The following SMAD9 variants were observed in gnomAD, a reference collection of about 807,000 sequenced individuals.
The protein encoded by SMAD9 is SMAD family member 9, also known as MAD homolog 9.
Under a neutral mutation model 46.1 loss-of-function variants are expected in SMAD9, and 36 were observed. The ratio of observed to expected loss-of-function variants is 0.78; its 90% CI spans 0.60 to 1.03. SMAD9 has a LOEUF of 1.03. Ranked by LOEUF, SMAD9 falls within the 50% of genes least tolerant of loss-of-function variation. The pLI, the probability that SMAD9 is intolerant of heterozygous loss-of-function variation, is 0.00. For missense variants in SMAD9, 572 were observed against 599.8 expected (o/e 0.95, Z 0.48); for synonymous variants, 245 against 237.1 (o/e 1.03, Z -0.31).
intron 1 of SMAD9, among the ~76,000 whole-genome samples, chr13:36,893,369 TC>T (rs1452793468): frequency 6.7e-6 from 1 of 149,666 alleles, no homozygotes; most frequent in Non-Finnish European, 1.5e-5. Flanking sequence ...GAAAGCCACT[TC>T]CCTAAAGAAA....
chr13:36,855,953 C>T (rs1471094787), intron 5 of SMAD9, among the ~76,000 whole-genome samples: 1 of 152,196 alleles, frequency 6.6e-6, no homozygotes, highest in Admixed American at 6.5e-5. Context: ...CTCCGCTTCC[C>T]TCAGCCTTCC....
chr13:36,850,445 T>A (rs1288120100), intron 6 of SMAD9, among the ~76,000 whole-genome samples: 1 of 152,180 alleles, frequency 6.6e-6, no homozygotes, highest in Non-Finnish European at 1.5e-5. Flanking sequence ...AATGGTGCGA[T>A]CTCAGCTCAC....
At chr13:36,917,134 A>T (rs1028372836) in intron 1 of SMAD9, among the ~76,000 whole-genome samples, 11 of 152,162 alleles carry the variant, frequency 7.2e-5, no homozygotes, top group African/African-American at 2.4e-4. Context: ...GAAGACCACC[A>T]AGCAAGAAGA....
chr13:36,901,740 G>C (rs563119468), intron 1 of SMAD9, among the ~76,000 whole-genome samples: 15 of 152,230 alleles, frequency 9.9e-5, no homozygotes, highest in African/African-American at 3.6e-4. Flanking sequence ...CTGTGGTTTT[G>C]ATTTGCATTT....
intron 1 of SMAD9, among the ~76,000 whole-genome samples, chr13:36,911,766 T>C (rs1336277666): frequency 6.6e-6 from 1 of 152,196 alleles, no homozygotes; most frequent in Non-Finnish European, 1.5e-5. Flanking sequence ...CGGAGTACAA[T>C]GGCACAATCT....
chr13:36,902,815 T>C (rs1048344750), intron 1 of SMAD9, among the ~76,000 whole-genome samples: 2 of 152,180 alleles, frequency 1.3e-5, no homozygotes, highest in East Asian at 3.8e-4. Flanking sequence ...TTATTGTTTC[T>C]TTCCCTAGCA....
intron 1 of SMAD9, among the ~76,000 whole-genome samples, chr13:36,884,083 C>T (rs1298035078): frequency 1.3e-5 from 2 of 152,108 alleles, no homozygotes; most frequent in Non-Finnish European, 2.9e-5. Context: ...GTAGTCTGAG[C>T]GCGACCTTCA....
In SMAD9 at chr13:36,872,842, G is replaced by A. The variant is rs149757390; in HGVS notation, c.486C>T (p.Ser162=). The change falls in exon 3 of 7, where the codon AGC becomes AGT. Residue 162 remains serine, a synonymous_variant. Transcript: ENST00000379826. The stretch of plus-strand genomic sequence containing the variant: ...TGAGTGGCTCACTGTGCAGGGAGGC[G>A]CTGCGGAACTTGGCCAGGAGGCTGA... ...PQLSLLAKFR[S]ASLHSEPLMP... 5.5e-5 allele frequency: 88 copies of A among 1,613,944 alleles called. No individual in the cohort carries two copies. The highest frequency in any genetic ancestry group is 1.7e-4 in the African/African-American group (13 of 74,892).
intron 5 of SMAD9, among the ~76,000 whole-genome samples, chr13:36,858,459 T>G (rs185213319): frequency 1.3e-5 from 2 of 152,236 alleles, no homozygotes; most frequent in Non-Finnish European, 1.5e-5. Flanking sequence ...TCTGGGCTGA[T>G]AGCAAGGCTG....
intron 1 of SMAD9, among the ~76,000 whole-genome samples, chr13:36,901,924 T>C (rs1040565623): frequency 1.3e-5 from 2 of 152,242 alleles, no homozygotes; most frequent in Admixed American, 6.5e-5. Flanking sequence ...ATACATGATT[T>C]GCAAATATTC....
intron 1 of SMAD9, among the ~76,000 whole-genome samples, chr13:36,899,562 A>AT (rs1342949671): frequency 3.3e-5 from 5 of 152,208 alleles, no homozygotes; most frequent in Non-Finnish European, 7.3e-5. Context: ...AACTAAATGA[A>AT]GTCGGGGGTA....
chr13:36,874,214 T>C (rs2058323593), intron 2 of SMAD9, among the ~76,000 whole-genome samples: 1 of 152,230 alleles, frequency 6.6e-6, no homozygotes, highest in Admixed American at 6.5e-5. Context: ...ACCTACGTCT[T>C]CATGTTGAAA....
At chr13:36,882,672 G>A (rs1047934382) in intron 1 of SMAD9, among the ~76,000 whole-genome samples, 1 of 152,190 alleles carries the variant, frequency 6.6e-6, no homozygotes, top group Non-Finnish European at 1.5e-5. Context: ...TCATAACAGT[G>A]GCCTCCAGGT....
At chr13:36,895,425 G>C (rs374106822) in intron 1 of SMAD9, among the ~76,000 whole-genome samples, 20 of 152,166 alleles carry the variant, frequency 1.3e-4, no homozygotes, top group African/African-American at 4.8e-4. Flanking sequence ...TGTCCTGTGC[G>C]TTACAGGGTG....
At chr13:36,909,508 CAT>C (rs1465992981) in intron 1 of SMAD9, among the ~76,000 whole-genome samples, 3 of 152,158 alleles carry the variant, frequency 2.0e-5, no homozygotes, top group East Asian at 3.9e-4. Context: ...TTTACACACA[CAT>C]ATAGTCAGCA....
chr13:36,894,964 A>G (rs2058516802), intron 1 of SMAD9, among the ~76,000 whole-genome samples: 1 of 152,166 alleles, frequency 6.6e-6, no homozygotes, highest in African/African-American at 2.4e-5. Context: ...TTCCATGGCA[A>G]GGAGGGCTAT....
rs560556206 is a variant in SMAD9, at chr13:36,905,652, T to C, written c.-187+14464A>G. On this transcript the variant is annotated intron_variant, in intron 1 of 6. Coordinates refer to ENST00000379826, the MANE Select transcript of SMAD9 (RefSeq NM_001127217.3). Reference sequence around the variant, plus strand: ...AGCCAGGTGTGGCTCTGCAGGCCTATAGTCTCAGCTACTAGGAAGGCTGAG... The same window carrying C: ...AGCCAGGTGTGGCTCTGCAGGCCTACAGTCTCAGCTACTAGGAAGGCTGAG... Among the ~76,000 whole-genome samples the C allele has an allele frequency of 6.6e-5, 10 of 151,616 alleles. No individual in the cohort carries two copies. The East Asian group carries it at 1.6e-3, about 24-fold the overall frequency.
At chr13:36,868,677 G>GA (rs1210977009) in intron 3 of SMAD9, among the ~76,000 whole-genome samples, 1 of 152,026 alleles carries the variant, frequency 6.6e-6, no homozygotes. Context: ...AAGTTACAGT[G>GA]AGCTATGACT....
intron 1 of SMAD9, among the ~76,000 whole-genome samples, chr13:36,919,778 C>A (rs1418854166): frequency 1.3e-5 from 2 of 151,226 alleles, no homozygotes; most frequent in African/African-American, 4.9e-5. Context: ...AGGCGAGCTG[C>A]GCCGCGGCCA....
Sources: allele counts gnomAD v4.1 joint callset (sites outside exome capture counted in the v4.1 genomes callset), GRCh38; gene constraint gnomAD v4.1.1; transcripts MANE v1.5; gene names NCBI Gene and HGNC (gene_info 2026-07-23, HGNC 2026-07-21).